ANK3: variants seen among roughly 807,000 people sequenced by gnomAD.
ANK3 encodes the protein ankyrin-3.
ANK3 carries 57 observed loss-of-function variants against 370.9 expected under a neutral mutation model. The ratio of observed to expected loss-of-function variants is 0.15; its 90% CI spans 0.12 to 0.19. The LOEUF is 0.19. Among genes scored for constraint, ANK3 ranks in the 10% least tolerant of loss-of-function variants. The probability of loss-of-function intolerance (pLI) is 1.00; values close to 1 mark genes in which losing one functional copy is unlikely to be tolerated. For missense variants in ANK3, 4,439 were observed against 5,302.1 expected, an observed-to-expected ratio of 0.84 and a Z score of 5.06; for synonymous variants, 1,929 against 1,946.3, an observed-to-expected ratio of 0.99 and a Z score of 0.23.
At chr10:60,047,936 GGA>G (rs1265822139) in intron 42 of ANK3, among the ~76,000 whole-genome samples, 1 of 152,082 alleles carries the variant, frequency 6.6e-6, no homozygotes, top group Non-Finnish European at 1.5e-5. Flanking sequence ...ATGACAAATG[GGA>G]GATTTTGTTG....
intron 43 of ANK3, among the ~76,000 whole-genome samples, chr10:60,033,065 A>C (rs1158817747): frequency 6.6e-6 from 1 of 152,228 alleles, no homozygotes; most frequent in East Asian, 1.9e-4. Context: ...AATGGATATG[A>C]GATAGATGCA....
chr10:60,103,235 C>CCACACTGCA (rs150591203), intron 28 of ANK3, among the ~76,000 whole-genome samples: 4,368 of 152,208 alleles, frequency 0.029, 117 homozygotes, highest in African/African-American at 0.067. Flanking sequence ...CAGGCGTGAA[C>CCACACTGCA]CACACTGCAC....
At position 60,069,439 on chromosome 10, in the gene ANK3, G is replaced by C. The variant is rs140398841; in HGVS notation, c.11442C>G (p.Pro3814=). 1.4e-4 allele frequency: 223 copies of C among 1,613,906 alleles called. No individual in the cohort carries two copies. The highest frequency in any genetic ancestry group is 1.8e-4 in the Non-Finnish European group (209 of 1,179,958). Residue 3814 remains proline (P), a synonymous_variant, in exon 37 of 44, where the codon CCC becomes CCG. Coordinates refer to ENST00000280772, the MANE Select transcript of ANK3 (RefSeq NM_020987.5). ...SNIVLTEHSA[P]TCTTEKDNPV... ...GGTTATCTTTCTCTGTGGTACAAGTGGGTGCAGAATGTTCTGTCAGAACTA... is the reference window on the plus strand; with the variant it reads ...GGTTATCTTTCTCTGTGGTACAAGTCGGTGCAGAATGTTCTGTCAGAACTA...
intron 1 of ANK3, among the ~76,000 whole-genome samples, chr10:60,288,889 AACACACACACACAC>A (rs35560146): frequency 7.9e-5 from 11 of 139,252 alleles, no homozygotes; most frequent in African/African-American, 1.1e-4. Context: ...AGGTAGGAAT[AACACACACACACAC>A]ACACACACAC....
chr10:60,532,560 G>A (rs1052984653), intron 2 of ANK3, among the ~76,000 whole-genome samples: 2 of 152,104 alleles, frequency 1.3e-5, no homozygotes, highest in African/African-American at 4.8e-5. Context: ...TTTGCTGGAT[G>A]AGAAGAACTG....
At chr10:60,189,364 G>GAGACAGAGACAGAGAGAGAGAC (rs2096423575) in intron 16 of ANK3, among the ~76,000 whole-genome samples, 1 of 152,036 alleles carries the variant, frequency 6.6e-6, no homozygotes, top group Admixed American at 6.5e-5. Flanking sequence ...GATACAGGGA[G>GAGACAGAGACAGAGAGAGAGAC]AGACAGAGAC....
rs140741212 is a variant in ANK3 at position 60,649,976 on chromosome 10, A to C, written c.58-34752T>G. ...CCTTTTGTTCACTGCATGAGAGCAC[A>C]TGTCTAGATGAAGTCTCCATCAGCC... On this transcript the variant is annotated intron_variant, in intron 1 of 43. Transcript: ENST00000373827. Among the ~76,000 whole-genome samples, 3 of 152,286 alleles carry C rather than the reference A, an allele frequency of 2.0e-5. No homozygotes were observed. In the East Asian group the frequency reaches 5.8e-4, roughly 29 times the overall value.
intron 1 of ANK3, among the ~76,000 whole-genome samples, chr10:60,354,010 G>A (rs539536937): frequency 4.6e-5 from 7 of 152,338 alleles, no homozygotes; most frequent in Admixed American, 3.3e-4. Context: ...CATGGAGGCC[G>A]TGTTGCCTCC....
intron 7 of ANK3, among the ~76,000 whole-genome samples, chr10:60,240,051 A>ATT (rs2097406077): frequency 1.4e-5 from 1 of 70,298 alleles, no homozygotes. Context: ...ATATATACAT[A>ATT]TATACACATA....
chr10:60,358,139 CA>C (rs1455046812), intron 1 of ANK3, among the ~76,000 whole-genome samples: 69 of 150,384 alleles, frequency 4.6e-4, no homozygotes, highest in African/African-American at 1.7e-3. Context: ...CACACACACA[CA>C]CACCCAAAAC....
intron 2 of ANK3, among the ~76,000 whole-genome samples, chr10:60,469,302 T>C (rs146729956): frequency 5.4e-5 from 1 of 18,536 alleles, no homozygotes; most frequent in African/African-American, 1.9e-4. Context: ...TATATATATA[T>C]ATATACCACT....
Position 60,628,512 on chromosome 10 carries a change from T to C in ANK3, c.58-13288A>G, listed in dbSNP as rs562509448. On this transcript the variant is annotated intron_variant, in intron 1 of 43. Transcript: ENST00000373827. ...GCTGAATTATGACCCTATGATTCTG[T>C]GCTTAGCCTCTGCTGCAGAAAGGAA... Among the ~76,000 whole-genome samples the C allele has an allele frequency of 1.4e-3, 212 of 152,310 alleles. 2 individuals are homozygous for C. The highest frequency in any genetic ancestry group is 6.8e-3 in the Middle Eastern group (2 of 294).
At position 60,696,912 on chromosome 10, in the gene ANK3, G is replaced by T. The variant is rs927910232; in HGVS notation, c.57+36351C>A. 7.6e-4 allele frequency among the ~76,000 whole-genome samples: 110 copies of T among 144,254 alleles called. 1 individual carries two copies. Among genetic ancestry groups the T allele is most frequent in the African/African-American group, 2.8e-3 (106 of 37,828 alleles). 94.6% of individuals were successfully genotyped at this position (144,254 alleles called of 152,430 possible). On this transcript the variant is annotated intron_variant, in intron 1 of 43. Transcript: ENST00000373827. ...TGGAAGTTCTGGCCAGGGCAATCAG[G>T]CAGGAGAAGGAAATAAAGGGTATTC...
intron 1 of ANK3, among the ~76,000 whole-genome samples, chr10:60,667,174 TATATTATATC>T (rs1394233244): frequency 7.1e-5 from 7 of 99,132 alleles, no homozygotes; most frequent in South Asian, 4.1e-4. Flanking sequence ...TATATTATAT[TATATTATATC>T]ATATTATATT....
At chr10:60,411,174 AT>A (rs1234170925) in intron 2 of ANK3, among the ~76,000 whole-genome samples, 2 of 152,160 alleles carry the variant, frequency 1.3e-5, no homozygotes, top group Non-Finnish European at 2.9e-5. Context: ...AACTTTTATT[AT>A]GTTAGATTTG....
intron 2 of ANK3, among the ~76,000 whole-genome samples, chr10:60,404,153 T>A (rs1184822456): frequency 6.6e-6 from 1 of 152,206 alleles, no homozygotes; most frequent in East Asian, 1.9e-4. Flanking sequence ...TCCAATATTA[T>A]TAAAATGAAA....
intron 28 of ANK3, among the ~76,000 whole-genome samples, chr10:60,096,820 A>G (rs966070883): frequency 6.6e-6 from 1 of 152,196 alleles, no homozygotes; most frequent in African/African-American, 2.4e-5. Context: ...GGATATTCTA[A>G]ATAACTCCAC....
Position 60,076,224 on chromosome 10 carries a change from A to T in ANK3, c.4657T>A (p.Leu1553Ile). The change falls in exon 37 of 44, where the codon TTA (leucine) becomes ATA (isoleucine). Residue 1553 changes from leucine to isoleucine, a missense_variant. Physicochemically the swap from Leu to Ile is conservative, Grantham distance 5. Transcript: ENST00000280772. The part of the protein sequence containing the change: ...VSTPSPIKST[L>I]GASTTSSVKS... The stretch of plus-strand genomic sequence containing the variant: ...ACTGAAGATGTAGTTGACGCGCCTA[A>T]TGTGGATTTGATTGGAGAAGGTGTC... The T allele has an allele frequency of 6.2e-7, 1 of 1,614,176 alleles. No homozygotes were observed. Among genetic ancestry groups the T allele is most frequent in the South Asian group, 1.1e-5 (1 of 91,086 alleles).
At chr10:60,664,843 T>A (rs1167721052) in intron 1 of ANK3, among the ~76,000 whole-genome samples, 4 of 152,234 alleles carry the variant, frequency 2.6e-5, no homozygotes, top group Non-Finnish European at 5.9e-5. Flanking sequence ...AGTGCATAGA[T>A]GCTAAATGTC....
Sources: allele counts gnomAD v4.1 joint callset (sites outside exome capture counted in the v4.1 genomes callset), GRCh38; gene constraint gnomAD v4.1.1; transcripts MANE v1.5; gene names NCBI Gene and HGNC (gene_info 2026-07-23, HGNC 2026-07-21).